The following MYO18A variants were observed in gnomAD, a reference collection of about 807,000 sequenced individuals.
MYO18A encodes unconventional myosin-XVIIIa.
MYO18A carries 78 observed loss-of-function variants against 235.8 expected under a neutral mutation model. That is an observed-to-expected ratio of 0.33 (90% confidence interval 0.28 to 0.40). The LOEUF (loss-of-function observed/expected upper bound fraction) is 0.40, where lower values mean the gene tolerates loss of function less well. Ranked by LOEUF, MYO18A falls within the 10% of genes least tolerant of loss-of-function variation. The pLI is 1.00. For synonymous variants in MYO18A, 977 were observed against 1,077.8 expected, an observed-to-expected ratio of 0.91 and a Z score of 1.83; for missense variants, 2,215 against 2,699.3, an observed-to-expected ratio of 0.82 and a Z score of 3.98.
chr17:29,098,263 C>T (rs1236834826), intron 24 of MYO18A, 39 bp from the exon 25 acceptor site: 3 of 1,613,060 alleles, frequency 1.9e-6, no homozygotes, highest in African/African-American at 1.3e-5. Flanking sequence ...AGTTGAAGTG[C>T]CTGCCTCACT....
At chr17:29,085,578 G>A (rs938176036) in intron 40 of MYO18A, 26 bp downstream of exon 40, 1 of 1,612,638 alleles carries the variant, frequency 6.2e-7, no homozygotes, top group Non-Finnish European at 8.5e-7. Flanking sequence ...AGGACAGGCA[G>A]AGAGCACATG....
intron 37 of MYO18A, among the ~76,000 whole-genome samples, chr17:29,088,681 C>T (rs916072199): frequency 2.0e-5 from 3 of 152,240 alleles, no homozygotes; most frequent in South Asian, 2.1e-4. Context: ...TTCTGCCTCT[C>T]TCTTGCTATC....
intron 41 of MYO18A, 116 bp from the exon 42 acceptor site, chr17:29,075,030 A>G: frequency 8.0e-7 from 1 of 1,256,904 alleles, no homozygotes; most frequent in Non-Finnish European, 1.1e-6. Context: ...AAAGCCAAAC[A>G]TTGTTAAGTA....
At chr17:29,108,010 T>G (rs2066834821) in intron 19 of MYO18A, among the ~76,000 whole-genome samples, 1 of 151,830 alleles carries the variant, frequency 6.6e-6, no homozygotes. Context: ...TAGGATCATG[T>G]GACCTTGGGC....
intron 35 of MYO18A, 51 bp from the exon 36 acceptor site, chr17:29,090,666 C>A (rs1378908211): frequency 1.8e-5 from 28 of 1,572,056 alleles, no homozygotes; most frequent in Non-Finnish European, 2.4e-5. Context: ...AAGCATTCAA[C>A]CAGCCCAGCC....
At chr17:29,162,883 A>G (rs2068204032) in intron 2 of MYO18A, among the ~76,000 whole-genome samples, 2 of 152,192 alleles carry the variant, frequency 1.3e-5, no homozygotes, top group Non-Finnish European at 2.9e-5. Flanking sequence ...ACCAGGACAC[A>G]TGAAGGTGTG....
chr17:29,153,187 A>G (rs1428059174), intron 2 of MYO18A, among the ~76,000 whole-genome samples: 1 of 152,150 alleles, frequency 6.6e-6, no homozygotes, highest in Non-Finnish European at 1.5e-5. Context: ...CAGTGGTGCA[A>G]TCACGGCTCA....
chr17:29,122,968 C>T (rs1238465254), intron 2 of MYO18A, among the ~76,000 whole-genome samples: 2 of 152,208 alleles, frequency 1.3e-5, no homozygotes, highest in Admixed American at 1.3e-4. Context: ...TACAAAGGCA[C>T]GAGGCAGTGC....
intron 20 of MYO18A, 28 bp downstream of exon 20, chr17:29,107,048 AGAGG>A (rs768463432): frequency 1.3e-6 from 2 of 1,596,630 alleles, no homozygotes; most frequent in Non-Finnish European, 1.7e-6. Context: ...GGGCCTGGGC[AGAGG>A]GAGAGCGGTC....
intron 41 of MYO18A, chr17:29,077,690 T>C (rs1307071974): frequency 6.6e-6 from 1 of 152,430 alleles, no homozygotes; most frequent in Non-Finnish European, 1.5e-5. Context: ...CCAGCTTTCC[T>C]GGTGGAAAAG....
chr17:29,115,922 T>C (rs2067049103), intron 11 of MYO18A, 82 bp from the exon 12 acceptor site: 10 of 1,466,670 alleles, frequency 6.8e-6, no homozygotes, highest in South Asian at 2.6e-5. Flanking sequence ...CTGATGACTA[T>C]GCATCTTCTG....
chr17:29,139,605 T>C (rs2067688365), intron 2 of MYO18A, among the ~76,000 whole-genome samples: 1 of 152,144 alleles, frequency 6.6e-6, no homozygotes, highest in African/African-American at 2.4e-5. Context: ...CTGAAAACCT[T>C]ACCCTTGGTG....
At chr17:29,144,262 G>C (rs1156327260) in intron 2 of MYO18A, among the ~76,000 whole-genome samples, 1 of 152,112 alleles carries the variant, frequency 6.6e-6, no homozygotes, top group Non-Finnish European at 1.5e-5. Context: ...CTATAATCTG[G>C]CCCCTCCTCA....
chr17:29,147,830 G>A (rs2067879589), intron 2 of MYO18A, among the ~76,000 whole-genome samples: 1 of 143,528 alleles, frequency 7.0e-6, no homozygotes, highest in Non-Finnish European at 1.5e-5. Flanking sequence ...GAGCCCAGGA[G>A]TTCAAGGTTA....
intron 40 of MYO18A, 57 bp downstream of exon 40, chr17:29,085,546 TA>T: frequency 6.5e-7 from 1 of 1,549,100 alleles, no homozygotes; most frequent in Non-Finnish European, 8.9e-7. Flanking sequence ...GAGCCAGTGT[TA>T]GGGGTGGTTA....
intron 2 of MYO18A, among the ~76,000 whole-genome samples, chr17:29,156,490 T>C (rs775234240): frequency 1.5e-4 from 23 of 151,994 alleles, no homozygotes; most frequent in African/African-American, 5.1e-4. Context: ...AAACAGTCCA[T>C]GGGTGGAGAT....
At position 29,109,123 on chromosome 17, in the gene MYO18A, A is replaced by C. The variant is rs930180686; in HGVS notation, c.3331+735T>G. On this transcript the variant is annotated intron_variant, in intron 19 of 41. Coordinates refer to ENST00000527372, the MANE Select transcript of MYO18A (RefSeq NM_078471.4). This position sits in a 1 kb window ranked among gnomAD's most constrained non-coding sequence, Gnocchi z 4.1. ...TCTAGTGAAGGAGAAAAACAGCAGA[A>C]ACCCAGCAACTCATAACTTCTCAGG... is the stretch of plus-strand genomic sequence containing the variant. Among the ~76,000 whole-genome samples, 1 of 151,588 alleles carries C rather than the reference A, an allele frequency of 6.6e-6. No homozygotes were observed. Among genetic ancestry groups the C allele is most frequent in the African/African-American group, 2.4e-5 (1 of 41,064 alleles).
intron 23 of MYO18A, 26 bp downstream of exon 23, chr17:29,098,800 C>G: frequency 6.2e-7 from 1 of 1,613,454 alleles, no homozygotes; most frequent in South Asian, 1.1e-5. Context: ...TACCCAGAGA[C>G]TTGGCCCTCT....
At position 29,121,410 on chromosome 17, in the gene MYO18A, C is replaced by T; in HGVS notation, c.1371+137G>A. 1 of 1,106,546 alleles carries T rather than the reference C, an allele frequency of 9.0e-7. No homozygotes were observed. The highest frequency in any genetic ancestry group is 1.3e-6 in the Non-Finnish European group (1 of 782,820). The allele number at this position is 1,106,546 out of a possible 1,614,324, so 68.5% of individuals were successfully genotyped here. ...GTTGTGGGGAGGTCCTGTCCCCCAT[C>T]TCTTGAAATGACTCCTCTTCCCAAG... On this transcript the variant is annotated intron_variant, in intron 5 of 41. Transcript: ENST00000527372. The surrounding 1 kb of genome is among the most constrained non-coding windows in gnomAD (Gnocchi z 4.2).
Sources: gnomAD v4.1 joint callset for allele counts (sites outside exome capture counted in the v4.1 genomes callset) on GRCh38, gnomAD v4.1.1 for gene constraint, Gnocchi (gnomAD v3.1) non-coding constraint, MANE v1.5 for transcripts, NCBI Gene and HGNC (gene_info 2026-07-23, HGNC 2026-07-21) for gene names.